The following SV2C variants were observed in gnomAD, a reference collection of about 807,000 sequenced individuals.
SV2C encodes synaptic vesicle glycoprotein 2C.
A neutral mutation model predicts 79.7 loss-of-function variants in SV2C; 49 were observed. The ratio of observed to expected loss-of-function variants is 0.61; its 90% CI spans 0.49 to 0.78. The LOEUF (loss-of-function observed/expected upper bound fraction) is 0.78, where lower values mean the gene tolerates loss of function less well. Ranked by LOEUF, SV2C falls within the 30% of genes least tolerant of loss-of-function variation. SV2C has a pLI of 0.00. For synonymous variants in SV2C, 334 were observed against 333.2 expected (o/e 1.00, Z -0.03); for missense variants, 833 against 912.9 (o/e 0.91, Z 1.13).
the SV2C span, among the ~76,000 whole-genome samples, chr5:75,939,647 C>A: frequency 6.6e-6 from 1 of 152,136 alleles, no homozygotes; most frequent in Non-Finnish European, 1.5e-5. Flanking sequence ...CACTTCCCAA[C>A]CCCCTTCTCT....
At chr5:76,012,005 A>G in the SV2C span, among the ~76,000 whole-genome samples, 1 of 152,098 alleles carries the variant, frequency 6.6e-6, no homozygotes, top group African/African-American at 2.4e-5. Flanking sequence ...TATCCAGTCT[A>G]TCATTGATGG....
chr5:76,150,456 G>A (rs540176869), intron 2 of SV2C, among the ~76,000 whole-genome samples: 4 of 151,506 alleles, frequency 2.6e-5, no homozygotes, highest in Non-Finnish European at 4.4e-5. Context: ...GATTACAGGC[G>A]CGAGCCACGG....
Position 76,295,865 on chromosome 5 carries a change from A to G in SV2C, c.1425A>G (p.Arg475=). 6.2e-7 allele frequency: 1 copy of G among 1,613,588 alleles called. No homozygotes were observed. ...CATTGCTAACCAGAAATGTGGAGAG[A>G]GATAAATATGCAAATTTCACTATTA... ...EYALLTRNVE[R]DKYANFTINF... is the part of the protein sequence containing the mutation. Residue 475 remains arginine (R), a synonymous_variant, in exon 9 of 13, where the codon AGA becomes AGG. Transcript: ENST00000502798.
chr5:76,067,072 G>C, the SV2C span, among the ~76,000 whole-genome samples: 1 of 152,074 alleles, frequency 6.6e-6, no homozygotes, highest in Non-Finnish European at 1.5e-5. Context: ...AAAAAGATGT[G>C]ATCTAAATTA....
intron 1 of SV2C, among the ~76,000 whole-genome samples, chr5:76,123,299 A>C (rs959998684): frequency 4.6e-5 from 7 of 152,166 alleles, no homozygotes; most frequent in East Asian, 1.9e-4. Context: ...ACCAGAGGTA[A>C]AAGGAGGAAC....
chr5:76,078,809 C>A, upstream of SV2C: 1 of 585,498 alleles, frequency 1.7e-6, no homozygotes, highest in South Asian at 1.4e-5. Context: ...GGCTAGTTAG[C>A]AACCTACAGA....
At chr5:76,336,487 G>A (rs1328791628), downstream of SV2C, among the ~76,000 whole-genome samples, 1 of 152,044 alleles carries the variant, frequency 6.6e-6, no homozygotes, top group East Asian at 1.9e-4. Flanking sequence ...TTCCCAGATG[G>A]GGTGGCGGCC....
the SV2C span, among the ~76,000 whole-genome samples, chr5:75,953,641 G>T: frequency 1.3e-5 from 2 of 151,866 alleles, no homozygotes; most frequent in Non-Finnish European, 2.9e-5. Flanking sequence ...GCTAGAAGTG[G>T]CAGAGTGGAC....
At chr5:76,030,610 A>T in the SV2C span, among the ~76,000 whole-genome samples, 1 of 152,004 alleles carries the variant, frequency 6.6e-6, no homozygotes, top group Non-Finnish European at 1.5e-5. Context: ...ATCACTTTGC[A>T]CAATTGTAAG....
At chr5:75,867,794 C>T in the SV2C span, among the ~76,000 whole-genome samples, 1 of 152,136 alleles carries the variant, frequency 6.6e-6, no homozygotes, top group African/African-American at 2.4e-5. Context: ...CTTTCCCTTC[C>T]AGGGTCCTGT....
intron 3 of SV2C, among the ~76,000 whole-genome samples, chr5:76,200,198 G>A (rs190386129): frequency 4.2e-4 from 64 of 152,314 alleles, no homozygotes; most frequent in Non-Finnish European, 4.6e-4. Flanking sequence ...AATCCATCCC[G>A]TGCCTGATTC....
chr5:76,026,036 G>T, the SV2C span, among the ~76,000 whole-genome samples: 3 of 151,982 alleles, frequency 2.0e-5, no homozygotes, highest in Non-Finnish European at 4.4e-5. Flanking sequence ...CCTTTATAAG[G>T]CATCCTATCC....
At chr5:75,963,048 T>C in the SV2C span, among the ~76,000 whole-genome samples, 1 of 151,932 alleles carries the variant, frequency 6.6e-6, no homozygotes, top group Non-Finnish European at 1.5e-5. Flanking sequence ...AAAAAATGTG[T>C]AAAATGCAGT....
intron 4 of SV2C, among the ~76,000 whole-genome samples, chr5:76,256,934 A>G (rs367886377): frequency 1.3e-5 from 2 of 152,194 alleles, no homozygotes; most frequent in Non-Finnish European, 2.9e-5. Context: ...TTGAACTTCT[A>G]CCTGCCTCTA....
chr5:75,967,358 C>T, the SV2C span, among the ~76,000 whole-genome samples: 25,351 of 152,064 alleles, frequency 0.17, 2,227 homozygotes, highest in Middle Eastern at 0.21. Context: ...GTGCATGAGC[C>T]GAAGCAGGGC....
At chr5:76,017,042 A>T in the SV2C span, among the ~76,000 whole-genome samples, 1 of 152,220 alleles carries the variant, frequency 6.6e-6, no homozygotes, top group Admixed American at 6.5e-5. Flanking sequence ...ATTTTACTTG[A>T]TTATAAATAT....
chr5:76,175,031 C>T (rs1743480188), intron 2 of SV2C, among the ~76,000 whole-genome samples: 2 of 152,178 alleles, frequency 1.3e-5, no homozygotes, highest in South Asian at 2.1e-4. Context: ...ATCTCAGACC[C>T]CTCACAGTTC....
chr5:76,147,610 C>G (rs913648997), intron 2 of SV2C, among the ~76,000 whole-genome samples: 2 of 152,150 alleles, frequency 1.3e-5, no homozygotes, highest in African/African-American at 4.8e-5. Flanking sequence ...TGGGACTTGG[C>G]TATGGCCGAA....
Position 76,295,798 on chromosome 5 carries a change from G to C in SV2C, c.1358G>C (p.Trp453Ser). 1 of 1,610,714 alleles carries C rather than the reference G, an allele frequency of 6.2e-7. No homozygotes were observed. Among genetic ancestry groups the C allele is most frequent in the Non-Finnish European group, 8.5e-7 (1 of 1,179,044 alleles). The change falls in exon 9 of 13, where the codon TGG becomes TCG. Residue 453 changes from tryptophan (W) to serine (S), a missense_variant. Coordinates refer to ENST00000502798, the MANE Select transcript of SV2C (RefSeq NM_014979.4). The stretch of plus-strand genomic sequence containing the variant: ...TGCAGGTACTATGGATTATCCGTTT[G>C]GTTCCCTGATGTCATTAAACCTCTG... Reference protein sequence around the residue: ...LSFGYYGLSVWFPDVIKPLQS... With the variant: ...LSFGYYGLSVSFPDVIKPLQS...
Sources: allele counts gnomAD v4.1 joint callset (sites outside exome capture counted in the v4.1 genomes callset), GRCh38; gene constraint gnomAD v4.1.1; transcripts MANE v1.5; gene names NCBI Gene and HGNC (gene_info 2026-07-23, HGNC 2026-07-21).